Variants in ENO1 observed in about 807,000 individuals in gnomAD.
The protein encoded by ENO1 is enolase 1.
A neutral mutation model predicts 46.3 loss-of-function variants in ENO1; 33 were observed. That is an observed-to-expected ratio of 0.71 (90% CI 0.54 to 0.95). ENO1 has a LOEUF of 0.95. Ranked by LOEUF, ENO1 falls within the 40% of genes least tolerant of loss-of-function variation. The pLI is 0.00. For missense variants in ENO1, 488 were observed against 553.3 expected (o/e 0.88, Z 1.18); for synonymous variants, 220 against 216.0 (o/e 1.02, Z -0.16).
At chr1:8,864,454 A>G (rs988159273) in intron 8 of ENO1, among the ~76,000 whole-genome samples, 1 of 152,156 alleles carries the variant, frequency 6.6e-6, no homozygotes, top group Non-Finnish European at 1.5e-5. Context: ...GGGTATGCCA[A>G]CCTACCCAGC....
intron 8 of ENO1, 124 bp from the exon 9 acceptor site, chr1:8,864,216 T>C (rs1452857779): frequency 7.6e-6 from 8 of 1,058,518 alleles, no homozygotes; most frequent in Non-Finnish European, 1.2e-5. Context: ...AAGCATAGGA[T>C]GGGGACAGCT....
chr1:8,862,879 C>A lies in ENO1; in HGVS notation c.1235+8G>T. On this transcript the variant is annotated splice_region_variant and intron_variant, in intron 11 of 11. Coordinates refer to ENST00000234590, the MANE Select transcript of ENO1 (RefSeq NM_001428.5). ...CACAGGCCCCTTGTTCTCAGGAGCC[C>A]TCCTTACCTGAGGAGCTGGTTGTAC... is the stretch of plus-strand genomic sequence containing the variant. 6.2e-7 allele frequency: 1 copy of A among 1,613,942 alleles called. No homozygotes were observed. Among genetic ancestry groups the A allele is most frequent in the South Asian group, 1.1e-5 (1 of 91,046 alleles).
intron 5 of ENO1, among the ~76,000 whole-genome samples, chr1:8,867,469 T>C (rs373738971): frequency 1.3e-5 from 2 of 152,352 alleles, no homozygotes; most frequent in East Asian, 3.9e-4. Context: ...AATTGCTGAA[T>C]TCATTATAAG....
intron 7 of ENO1, 109 bp from the exon 8 acceptor site, chr1:8,865,591 G>C: frequency 9.4e-7 from 1 of 1,061,584 alleles, no homozygotes; most frequent in Non-Finnish European, 1.4e-6. Context: ...CAGGTGTTCA[G>C]GCCCCAACCA....
Position 8,874,865 on chromosome 1 carries a change from C to A in ENO1, c.44G>T (p.Arg15Leu). The A allele has an allele frequency of 1.2e-6, 2 of 1,613,612 alleles. No homozygotes were observed. Among genetic ancestry groups the A allele is most frequent in the Admixed American group, 1.7e-5 (1 of 59,962 alleles). ...KIHAREIFDS[R>L]GNPTVEVDLF... Reference sequence around the variant, plus strand: ...ATCAACCTCAACAGTGGGATTCCCGCGAGAGTCAAAGATCTCCCTGGCATG... The same window carrying A: ...ATCAACCTCAACAGTGGGATTCCCGAGAGAGTCAAAGATCTCCCTGGCATG... The change falls in exon 2 of 12, where the codon CGC becomes CTC. Residue 15 changes from arginine to leucine, a missense_variant. Physicochemically the swap from Arg to Leu is moderately radical, Grantham distance 102. Transcript: ENST00000234590.
chr1:8,874,595 A>AAAAAAG (rs1557587521), intron 2 of ENO1, among the ~76,000 whole-genome samples: 68 of 146,938 alleles, frequency 4.6e-4, no homozygotes, highest in African/African-American at 9.1e-4. Flanking sequence ...AAAAAAAAAA[A>AAAAAAG]AAAAAGAAAA....
rs535619228 is a variant in ENO1, at chr1:8,871,403, C to T, written c.181+488G>A. 15 of 995,806 alleles carry T rather than the reference C, an allele frequency of 1.5e-5. No individual in the cohort carries two copies. The East Asian group carries it at 1.4e-3, about 95-fold the overall frequency. 61.7% of individuals were successfully genotyped at this position (995,806 alleles called of 1,614,324 possible). A position where few individuals can be genotyped will look rare whatever the true frequency, so the allele number is the denominator to read the frequency against. ...AGGCTAGCTCTGCCACAGAGCAGGGCTCCTATGAGTCAGTCAACAGGAAAA... is the reference window on the plus strand; with the variant it reads ...AGGCTAGCTCTGCCACAGAGCAGGGTTCCTATGAGTCAGTCAACAGGAAAA... On this transcript the variant is annotated intron_variant, in intron 3 of 11. Transcript: ENST00000234590.
Position 8,874,928 on chromosome 1 carries a change from A to AAC in ENO1, c.-9-13_-9-12dup. ...AGACATGGTGAACTTCTGTAGAAGA[A>AAC]ACACACAGTTCATGTTTTCCATAAG... is the stretch of plus-strand genomic sequence containing the variant. On this transcript the variant is annotated splice_polypyrimidine_tract_variant and intron_variant, in intron 1 of 11. Coordinates refer to ENST00000234590, the MANE Select transcript of ENO1 (RefSeq NM_001428.5). 1.2e-5 allele frequency: 19 copies of AAC among 1,602,490 alleles called. No homozygotes were observed. The highest frequency in any genetic ancestry group is 1.6e-5 in the Non-Finnish European group (19 of 1,170,650).
chr1:8,868,400 A>G (rs990465051), intron 4 of ENO1, among the ~76,000 whole-genome samples: 5 of 152,200 alleles, frequency 3.3e-5, no homozygotes, highest in Admixed American at 3.3e-4. Context: ...ACTGCTACCC[A>G]GGAACATGGC....
chr1:8,867,361 C>G, intron 5 of ENO1, 111 bp from the exon 6 acceptor site: 1 of 1,394,210 alleles, frequency 7.2e-7, no homozygotes, highest in East Asian at 2.3e-5. Context: ...CCCATCACAC[C>G]TCCATTTCAC....
chr1:8,871,361 A>C, intron 3 of ENO1: 1 of 992,212 alleles, frequency 1.0e-6, no homozygotes, highest in South Asian at 4.6e-5. Context: ...ACACTAAGTC[A>C]ATTTGAATAC....
At chr1:8,861,572 C>T in intron 11 of ENO1, 143 bp from the exon 12 acceptor site, 1 of 768,628 alleles carries the variant, frequency 1.3e-6, no homozygotes, top group Non-Finnish European at 2.1e-6. Context: ...AGTTTGTCCA[C>T]CTTCTTTAAA....
intron 2 of ENO1, among the ~76,000 whole-genome samples, chr1:8,873,306 T>C (rs1642670058): frequency 6.6e-6 from 1 of 152,198 alleles, no homozygotes; most frequent in Non-Finnish European, 1.5e-5. Context: ...CTGCTTCTGC[T>C]GTGAACCTAA....
intron 2 of ENO1, among the ~76,000 whole-genome samples, chr1:8,872,737 G>T (rs1229849711): frequency 2.6e-5 from 4 of 152,148 alleles, no homozygotes; most frequent in African/African-American, 9.7e-5. Flanking sequence ...GGCTCAGGAG[G>T]AGTATCTAGC....
chr1:8,866,620 G>A (rs1008186782), intron 6 of ENO1, 119 bp from the exon 7 acceptor site: 2 of 1,085,268 alleles, frequency 1.8e-6, no homozygotes, highest in East Asian at 2.4e-5. Flanking sequence ...CTTGCTTCTT[G>A]AGGAGCACCA....
chr1:8,861,989 T>C (rs2124045472), intron 11 of ENO1, among the ~76,000 whole-genome samples: 1 of 147,714 alleles, frequency 6.8e-6, no homozygotes, highest in South Asian at 2.1e-4. Flanking sequence ...CTATTAAAAA[T>C]ACAAAACAAT....
At chr1:8,868,321 A>G (rs931930728) in intron 4 of ENO1, among the ~76,000 whole-genome samples, 5 of 152,172 alleles carry the variant, frequency 3.3e-5, no homozygotes, top group Non-Finnish European at 7.3e-5. Context: ...CAAAAGGTTA[A>G]TAGTCTACCC....
chr1:8,866,479 CCG>C lies in ENO1; in HGVS notation c.465_466del (p.Gly156PhefsTer54). On this transcript the variant is annotated frameshift_variant, in exon 7 of 12. Coordinates refer to ENST00000234590, the MANE Select transcript of ENO1 (RefSeq NM_001428.5). LOFTEE classifies it high-confidence loss of function. Reference sequence around the variant, plus strand: ...GGCCAGCTTGTTGCCAGCATGAGAACCGCCATTGATGACATTGAACGCCTGGG... The same window carrying C: ...GGCCAGCTTGTTGCCAGCATGAGAACCCATTGATGACATTGAACGCCTGGG... 1.9e-6 allele frequency: 3 copies of C among 1,614,202 alleles called. No individual in the cohort carries two copies. The highest frequency in any genetic ancestry group is 2.5e-6 in the Non-Finnish European group (3 of 1,180,040).
chr1:8,867,844 T>C (rs1642555558), intron 5 of ENO1, 144 bp downstream of exon 5: 2 of 795,860 alleles, frequency 2.5e-6, no homozygotes, highest in Admixed American at 2.4e-5. Context: ...GTGTGATTTC[T>C]TAAGAGTAAA....
Sources: gnomAD v4.1 joint callset for allele counts (sites outside exome capture counted in the v4.1 genomes callset) on GRCh38, gnomAD v4.1.1 for gene constraint, MANE v1.5 for transcripts, NCBI Gene and HGNC (gene_info 2026-07-23, HGNC 2026-07-21) for gene names.